Variants in POU2F2 observed in about 807,000 individuals in gnomAD.
POU2F2 encodes POU class 2 homeobox 2.
In POU2F2, 14 loss-of-function variants were observed where a neutral mutation model predicts 63.5. The ratio of observed to expected loss-of-function variants is 0.22; its 90% CI spans 0.15 to 0.34. The LOEUF (loss-of-function observed/expected upper bound fraction) is 0.34, where lower values mean the gene tolerates loss of function less well. Among genes scored for constraint, POU2F2 ranks in the 10% least tolerant of loss-of-function variants. The pLI, the probability that POU2F2 is intolerant of heterozygous loss-of-function variation, is 1.00. For synonymous variants in POU2F2, 306 were observed against 348.6 expected, an observed-to-expected ratio of 0.88 and a Z score of 1.36; for missense variants, 607 against 815.2, an observed-to-expected ratio of 0.74 and a Z score of 3.11.
At position 42,183,507 on chromosome 19, in the gene POU2F2, T is replaced by TTACACA. The variant is rs1412684821; in HGVS notation, c.-70+12875_-70+12876insTGTGTA. Among the ~76,000 whole-genome samples the TTACACA allele has an allele frequency of 1.5e-4, 23 of 152,326 alleles. No individual in the cohort carries two copies. In the East Asian group the frequency reaches 4.2e-3, roughly 28 times the overall value. ...ATGGAAATGTTTTGTAACATGATTG[T>TTACACA]GGTGGTGGTTACACAACTGTGTGTG... On this transcript the variant is annotated intron_variant, in intron 1 of 5. Coordinates refer to the POU2F2 transcript ENST00000532176.
chr19:42,142,846 G>A (rs1286830912), intron 2 of POU2F2, among the ~76,000 whole-genome samples: 1 of 152,150 alleles, frequency 6.6e-6, no homozygotes, highest in Non-Finnish European at 1.5e-5. Flanking sequence ...TTATAGTCAT[G>A]AGCCACTGTG....
chr19:42,116,986 G>C (rs2146567227), intron 5 of POU2F2: 1 of 618,612 alleles, frequency 1.6e-6, no homozygotes, highest in Non-Finnish European at 3.0e-6. Context: ...CTGCTGCTGA[G>C]CTGGCATCAG....
At position 42,089,089 on chromosome 19, in the gene POU2F2, ACAAGGGGCAGGGGC is replaced by A. The variant is rs1354533886; in HGVS notation, c.*2154_*2167del. ...TCTCCTCTCTCTCTGCTCCTGCCCA[ACAAGGGGCAGGGGC>A]CACACTACGGCTGTCAGGCCCCACC... On this transcript the variant is annotated 3_prime_UTR_variant, in exon 15 of 15. Transcript: ENST00000692977. The A allele has an allele frequency of 2.6e-5, 4 of 152,714 alleles. No homozygotes were observed. Among genetic ancestry groups the A allele is most frequent in the Admixed American group, 1.3e-4 (2 of 15,286 alleles). The allele number at this position is 152,714 out of a possible 1,614,324, so 9.5% of individuals were successfully genotyped here.
chr19:42,122,564 G>A lies in POU2F2; in HGVS notation c.41C>T (p.Ser14Phe), dbSNP rs202021860. ...TTGCTTCTCGGCCTCCAGGGGCTTA[G>A]ACATTCTTATTTCTGGGGACAGAGG... ...SSMGAPEIRM[S>F]KPLEAEKQGL... The change falls in exon 2 of 15, where the codon TCT becomes TTT. Residue 14 changes from serine (S) to phenylalanine (F), a missense_variant. Physicochemically the swap from Ser to Phe is radical, Grantham distance 155 (BLOSUM62 -2). This residue lies in a region of POU2F2 where 224 missense variants were observed against 264.3 expected (regional missense o/e 0.85). Coordinates refer to ENST00000692977, the MANE Select transcript of POU2F2 (RefSeq NM_001394376.1). 1 of 1,591,942 alleles carries A rather than the reference G, an allele frequency of 6.3e-7. No individual in the cohort carries two copies. Among genetic ancestry groups the A allele is most frequent in the East Asian group, 2.2e-5 (1 of 44,486 alleles).
In POU2F2 at chr19:42,092,317, C is replaced by T; in HGVS notation, c.1265-47G>A. Reference sequence around the variant, plus strand: ...ATGGGGTCTTCAGCTTCCACTCGTCCCCCACTGAGGAACCTGGGGTCAGCT... The same window carrying T: ...ATGGGGTCTTCAGCTTCCACTCGTCTCCCACTGAGGAACCTGGGGTCAGCT... On this transcript the variant is annotated intron_variant, in intron 12 of 14. Transcript: ENST00000692977. This position sits in a 1 kb window ranked among gnomAD's most constrained non-coding sequence, Gnocchi z 5.0. 7.0e-7 allele frequency: 1 copy of T among 1,418,706 alleles called. No individual in the cohort carries two copies. Among genetic ancestry groups the T allele is most frequent in the Non-Finnish European group, 9.7e-7 (1 of 1,027,078 alleles). The allele number at this position is 1,418,706 out of a possible 1,614,324, so 87.9% of individuals were successfully genotyped here.
intron 1 of POU2F2, among the ~76,000 whole-genome samples, chr19:42,124,887 A>G (rs1255838517): frequency 5.3e-5 from 8 of 152,212 alleles, no homozygotes; most frequent in African/African-American, 1.9e-4. Flanking sequence ...TCACAGTCAG[A>G]TGAGTGAGCA....
At chr19:42,127,382 T>C (rs1237485145) in intron 1 of POU2F2, among the ~76,000 whole-genome samples, 1 of 151,726 alleles carries the variant, frequency 6.6e-6, no homozygotes, top group Non-Finnish European at 1.5e-5. Flanking sequence ...AGCTCTGTTT[T>C]CTTTTCTTTT....
chr19:42,128,473 G>A (rs148339807), intron 1 of POU2F2, among the ~76,000 whole-genome samples: 4 of 152,120 alleles, frequency 2.6e-5, no homozygotes, highest in African/African-American at 9.6e-5. Flanking sequence ...CACTTGGCTG[G>A]GTCACAACAA....
At chr19:42,179,460 G>A (rs1246848286), upstream of POU2F2, among the ~76,000 whole-genome samples, 4 of 151,902 alleles carry the variant, frequency 2.6e-5, no homozygotes, top group Non-Finnish European at 5.9e-5. Context: ...GTGCAAAGAG[G>A]AGGATAGGGT....
At chr19:42,177,371 T>A (rs1409571686), upstream of POU2F2, 1 of 152,428 alleles carries the variant, frequency 6.6e-6, no homozygotes, top group Non-Finnish European at 1.5e-5. Flanking sequence ...GGCTCCCACC[T>A]TGTCCCCATG....
Position 42,122,502 on chromosome 19 carries a change from C to T in POU2F2, c.94+9G>A, listed in dbSNP as rs1328361413. The T allele has an allele frequency of 6.2e-7, 1 of 1,610,820 alleles. No individual in the cohort carries two copies. On this transcript the variant is annotated intron_variant, in intron 2 of 14. Coordinates refer to ENST00000692977, the MANE Select transcript of POU2F2 (RefSeq NM_001394376.1). ...GTGACCCCTGCCCCCCTGCTCCCTG[C>T]CCACCCACCTGTGTGCTCTGATGGG...
chr19:42,186,657 T>C (rs571080794), intron 1 of POU2F2, among the ~76,000 whole-genome samples: 1 of 152,140 alleles, frequency 6.6e-6, no homozygotes, highest in East Asian at 1.9e-4. Context: ...CAGGAAGCTA[T>C]TGCAATAGCC....
At chr19:42,181,258 C>T (rs1038689874) in intron 1 of POU2F2, among the ~76,000 whole-genome samples, 1 of 152,248 alleles carries the variant, frequency 6.6e-6, no homozygotes, top group African/African-American at 2.4e-5. Context: ...CATGCAAAGA[C>T]GTACACCATA....
chr19:42,165,343 C>T (rs972784714), intron 1 of POU2F2, among the ~76,000 whole-genome samples: 1 of 152,208 alleles, frequency 6.6e-6, no homozygotes, highest in Non-Finnish European at 1.5e-5. Flanking sequence ...GTCCCCTGTC[C>T]CCTCTTCAGG....
rs777077272 is a variant in POU2F2 at position 42,095,640 on chromosome 19, T to C, written c.925A>G (p.Ser309Gly). ...CCGGGCAGGCCGTCGAAACCCAGGC[T>C]GGGGCTGCTCAGCTGGTTGGGGCTG... Reference protein sequence around the residue: ...LPSPNQLSSPSLGFDGLPGRR... With the variant: ...LPSPNQLSSPGLGFDGLPGRR... Residue 309 changes from serine to glycine, a missense_variant, in exon 10 of 15, where the codon AGC (serine) becomes GGC (glycine). Coordinates refer to ENST00000692977, the MANE Select transcript of POU2F2 (RefSeq NM_001394376.1). The surrounding 1 kb of genome is among the most constrained non-coding windows in gnomAD (Gnocchi z 7.1). The C allele has an allele frequency of 1.9e-6, 3 of 1,613,168 alleles. No homozygotes were observed. Among genetic ancestry groups the C allele is most frequent in the Non-Finnish European group, 2.5e-6 (3 of 1,179,846 alleles).
intron 2 of POU2F2, among the ~76,000 whole-genome samples, chr19:42,138,297 T>A (rs1274125889): frequency 6.6e-6 from 1 of 152,104 alleles, no homozygotes; most frequent in Non-Finnish European, 1.5e-5. Flanking sequence ...CCAGGTATGT[T>A]AAAGTATCTT....
At chr19:42,163,426 C>T (rs899078372) in intron 1 of POU2F2, among the ~76,000 whole-genome samples, 2 of 152,002 alleles carry the variant, frequency 1.3e-5, no homozygotes, top group African/African-American at 4.8e-5. Flanking sequence ...ATGGAGCAGG[C>T]GGTGAGTGGG....
chr19:42,192,306 G>A (rs1219100417), intron 1 of POU2F2, among the ~76,000 whole-genome samples: 1 of 152,184 alleles, frequency 6.6e-6, no homozygotes, highest in East Asian at 1.9e-4. Context: ...CAACAGGGAA[G>A]TGGGATAGAG....
chr19:42,108,826 TAGA>T (rs898061627), intron 5 of POU2F2, among the ~76,000 whole-genome samples: 11 of 152,220 alleles, frequency 7.2e-5, no homozygotes, highest in African/African-American at 2.4e-4. Flanking sequence ...GCATATTTTG[TAGA>T]TCAGCTGCTC....
Sources: gnomAD v4.1 joint callset for allele counts (sites outside exome capture counted in the v4.1 genomes callset) on GRCh38, gnomAD v4.1.1 for gene constraint, gnomAD v4.1.1 regional missense constraint, Gnocchi (gnomAD v3.1) non-coding constraint, MANE v1.5 for transcripts, NCBI Gene and HGNC (gene_info 2026-07-23, HGNC 2026-07-21) for gene names.